The following TTC34 variants were observed in gnomAD, a reference collection of about 807,000 sequenced individuals.
TTC34 encodes the protein tetratricopeptide repeat domain 34, also known as tetratricopeptide repeat protein 34.
TTC34 carries 44 observed loss-of-function variants against 40.7 expected under a neutral mutation model. The observed-to-expected ratio is 1.08, with a 90% confidence interval of 0.85 to 1.39. The LOEUF is 1.39. Among genes scored for constraint, TTC34 ranks in the 40% most tolerant of loss-of-function variants. TTC34 has a pLI of 0.00. For synonymous variants in TTC34, 422 were observed against 398.6 expected (o/e 1.06, Z -0.70); for missense variants, 884 against 838.0 (o/e 1.05, Z -0.68).
chr1:2,789,550 C>A, exon 3 of TTC34: 1 of 1,497,432 alleles, frequency 6.7e-7, no homozygotes, highest in Non-Finnish European at 8.9e-7. Context: ...CCCTCCGGCC[C>A]TGCGCTCTGG....
At chr1:2,784,046 A>T (rs1643536238) in intron 5 of TTC34, among the ~76,000 whole-genome samples, 1 of 152,124 alleles carries the variant, frequency 6.6e-6, no homozygotes, top group South Asian at 2.1e-4. Flanking sequence ...AGGCGAGGGC[A>T]GGGGGATCAG....
chr1:2,687,378 A>C (rs1339808321), intron 6 of TTC34, among the ~76,000 whole-genome samples: 1 of 151,446 alleles, frequency 6.6e-6, no homozygotes, highest in Non-Finnish European at 1.5e-5. Flanking sequence ...CCAGGCGAGC[A>C]TCTGACAGCC....
At chr1:2,753,099 AGGCGAGCATCCGACAGCCT>A (rs1641379913) in intron 6 of TTC34, among the ~76,000 whole-genome samples, 5 of 128,492 alleles carry the variant, frequency 3.9e-5, no homozygotes, top group African/African-American at 1.3e-4. Flanking sequence ...CCACACCCCC[AGGCGAGCATCCGACAGCCT>A]GGAACAGCAC....
At chr1:2,752,563 C>G (rs1333466063) in intron 6 of TTC34, among the ~76,000 whole-genome samples, 2 of 97,378 alleles carry the variant, frequency 2.1e-5, no homozygotes, top group Non-Finnish European at 3.8e-5. Flanking sequence ...CCTGGAACAG[C>G]ACCTTGCACC....
At chr1:2,781,276 AC>A (rs1384010669) in intron 6 of TTC34, among the ~76,000 whole-genome samples, 1 of 152,182 alleles carries the variant, frequency 6.6e-6, no homozygotes, top group East Asian at 1.9e-4. Context: ...TTGTCCTGGA[AC>A]CAATCCCATG....
At chr1:2,787,700 G>A (rs1377528915) in exon 4 of TTC34, 1 of 1,543,066 alleles carries the variant, frequency 6.5e-7, no homozygotes, top group Non-Finnish European at 8.8e-7. Context: ...GCACGCCGCA[G>A]GCGACCCTGT....
chr1:2,752,171 A>T lies in TTC34; in HGVS notation c.2226+31438T>A, dbSNP rs1237365179. On this transcript the variant is annotated intron_variant, in intron 6 of 8. Coordinates refer to ENST00000401095, the Ensembl canonical transcript of TTC34. ...GATGGTCTGGAGCAGCACCCACACCAACAGGTGAGCATCTGACAGCCTGGA... is the reference window on the plus strand; with the variant it reads ...GATGGTCTGGAGCAGCACCCACACCTACAGGTGAGCATCTGACAGCCTGGA... Among the ~76,000 whole-genome samples the T allele has an allele frequency of 1.2e-4, 6 of 51,322 alleles. 2 individuals are homozygous for T. Among genetic ancestry groups the T allele is most frequent in the Non-Finnish European group, 3.6e-5 (1 of 27,712 alleles). The allele number at this position is 51,322 out of a possible 152,430, so 33.7% of individuals were successfully genotyped here. A position where few individuals can be genotyped will look rare whatever the true frequency, so the allele number is the denominator to read the frequency against.
chr1:2,762,085 A>C lies in TTC34; in HGVS notation c.2226+21524T>G, dbSNP rs1346861707. On this transcript the variant is annotated intron_variant, in intron 6 of 8. Transcript: ENST00000401095. ...AGCATCTGACAGCCTGGAGCAGCAC[A>C]CACAACCCCAGGCGAGCATCTGACA... Among the ~76,000 whole-genome samples, 30 of 20,088 alleles carry C rather than the reference A, an allele frequency of 1.5e-3. 1 individual carries two copies. The highest frequency in any genetic ancestry group is 3.4e-3 in the African/African-American group (5 of 1,462). 13.2% of individuals were successfully genotyped at this position (20,088 alleles called of 152,430 possible). A position where few individuals can be genotyped will look rare whatever the true frequency, so the allele number is the denominator to read the frequency against.
intron 6 of TTC34, among the ~76,000 whole-genome samples, chr1:2,687,849 A>C (rs1360485336): frequency 2.5e-4 from 13 of 51,216 alleles, no homozygotes; most frequent in African/African-American, 8.2e-4. Context: ...ACCCACACCC[A>C]CAGTTGAGCA....
chr1:2,657,415 C>T (rs1266749242), intron 6 of TTC34, among the ~76,000 whole-genome samples: 1 of 90,792 alleles, frequency 1.1e-5, no homozygotes, highest in Admixed American at 1.0e-4. Flanking sequence ...GGAGCAGTAC[C>T]AGTACCCCCA....
chr1:2,751,685 CAA>C (rs1641325578), intron 6 of TTC34, among the ~76,000 whole-genome samples: 4 of 138,676 alleles, frequency 2.9e-5, no homozygotes, highest in East Asian at 2.3e-4. Flanking sequence ...TCAGCACCCA[CAA>C]CCCCAAGCGA....
intron 2 of TTC34, among the ~76,000 whole-genome samples, chr1:2,798,101 C>G (rs1223759320): frequency 1.4e-5 from 2 of 147,316 alleles, no homozygotes; most frequent in Non-Finnish European, 3.0e-5. Context: ...AGCCTCCAAG[C>G]CTCTGAGCCC....
intron 6 of TTC34, among the ~76,000 whole-genome samples, chr1:2,686,798 C>G (rs561494008): frequency 7.0e-5 from 10 of 143,568 alleles, no homozygotes; most frequent in African/African-American, 2.6e-4. Flanking sequence ...GATCAGCACC[C>G]ACACCCCCAG....
chr1:2,653,642 A>ACCCACACCCCAGGTGAGCATCTGATAGCC (rs1639231188), intron 6 of TTC34, among the ~76,000 whole-genome samples: 1 of 125,478 alleles, frequency 8.0e-6, no homozygotes, highest in African/African-American at 3.2e-5. Context: ...CTGGAGCAGC[A>ACCCACACCCCAGGTGAGCATCTGATAGCC]TCCACACCCC....
intron 6 of TTC34, among the ~76,000 whole-genome samples, chr1:2,777,459 G>C (rs1025693939): frequency 6.6e-6 from 1 of 150,496 alleles, no homozygotes; most frequent in Non-Finnish European, 1.5e-5. Context: ...CCTGCCCCCC[G>C]GTTAGTGTCT....
Position 2,750,795 on chromosome 1 carries a change from C to T in TTC34, c.2226+32814G>A, listed in dbSNP as rs1319831195. Among the ~76,000 whole-genome samples the T allele has an allele frequency of 5.8e-5, 4 of 68,722 alleles. 1 individual carries two copies. The highest frequency in any genetic ancestry group is 1.1e-4 in the Non-Finnish European group (4 of 36,570). The allele number at this position is 68,722 out of a possible 152,430, so 45.1% of individuals were successfully genotyped here. On this transcript the variant is annotated intron_variant, in intron 6 of 8. Transcript: ENST00000401095. ...CAGGTGAACATCGGAGAGTCTGGAG[C>T]AGCGCCCACACCCCCAGGCGAGCAT...
chr1:2,683,590 C>A (rs1162118160), intron 6 of TTC34, among the ~76,000 whole-genome samples: 1 of 143,852 alleles, frequency 7.0e-6, no homozygotes, highest in Non-Finnish European at 1.5e-5. Flanking sequence ...ACAGCACCCA[C>A]ACACTCAGGC....
intron 6 of TTC34, among the ~76,000 whole-genome samples, chr1:2,750,080 C>T (rs1641265669): frequency 2.1e-5 from 2 of 96,900 alleles, no homozygotes; most frequent in African/African-American, 5.0e-5. Context: ...GAGCAGCAGG[C>T]ACACCCCCAG....
chr1:2,676,939 C>G (rs1229487525), intron 6 of TTC34, among the ~76,000 whole-genome samples: 3 of 142,112 alleles, frequency 2.1e-5, no homozygotes, highest in African/African-American at 7.8e-5. Context: ...CCCAGGTGAG[C>G]ATCTGACAGC....
Sources: gnomAD v4.1 joint callset for allele counts (sites outside exome capture counted in the v4.1 genomes callset) on GRCh38, gnomAD v4.1.1 for gene constraint, MANE v1.5 for transcripts, NCBI Gene and HGNC (gene_info 2026-07-23, HGNC 2026-07-21) for gene names.